PPHLN1: variants seen among roughly 807,000 people sequenced by gnomAD.
PPHLN1 encodes the protein periphilin-1.
A neutral mutation model predicts 51.3 loss-of-function variants in PPHLN1; 29 were observed. That is an observed-to-expected ratio of 0.57 (90% CI 0.42 to 0.77). The LOEUF is 0.77. PPHLN1 is among the 30% of genes least tolerant of loss of function. The pLI is 0.00. For synonymous variants in PPHLN1, 147 were observed against 147.8 expected (o/e 0.99, Z 0.04); for missense variants, 436 against 438.4 (o/e 0.99, Z 0.05).
At chr12:42,332,045 T>TA (rs1369877095) in intron 1 of PPHLN1, among the ~76,000 whole-genome samples, 1 of 152,006 alleles carries the variant, frequency 6.6e-6, no homozygotes, top group Non-Finnish European at 1.5e-5. Context: ...CATGACTTGA[T>TA]AAAAAATAAA....
At chr12:42,447,778 T>A (rs2083373479), downstream of PPHLN1, 1 of 152,232 alleles carries the variant, frequency 6.6e-6, no homozygotes, top group South Asian at 2.1e-4. Context: ...GCAGTATGCA[T>A]AATTTTAACA....
chr12:42,440,670 C>T (rs887869196), intron 9 of PPHLN1, among the ~76,000 whole-genome samples: 2 of 152,214 alleles, frequency 1.3e-5, no homozygotes, highest in Non-Finnish European at 2.9e-5. Context: ...TATTCCCTTG[C>T]GTTTCCCAGT....
intron 2 of PPHLN1, among the ~76,000 whole-genome samples, chr12:42,343,215 T>C (rs982983293): frequency 2.1e-5 from 3 of 139,688 alleles, no homozygotes; most frequent in Non-Finnish European, 5.0e-5. Flanking sequence ...TCCATTCTTA[T>C]TTCATGAAAC....
chr12:42,374,978 G>C lies in PPHLN1; in HGVS notation c.415G>C (p.Asp139His). ...FFRESPVGRKDSPHSRSGSSV... is the reference protein window; with the variant it reads ...FFRESPVGRKHSPHSRSGSSV... ...CAGAGAATCACCTGTTGGCCGAAAG[G>C]ATTCTCCACACAGCAGATCTGGTTC... The change falls in exon 5 of 10, where the codon GAT becomes CAT. Residue 139 changes from aspartate (D) to histidine (H), a missense_variant. Coordinates refer to ENST00000358314, the MANE Select transcript of PPHLN1 (RefSeq NM_201439.2). 6.2e-7 allele frequency: 1 copy of C among 1,613,940 alleles called. No individual in the cohort carries two copies. The highest frequency in any genetic ancestry group is 8.5e-7 in the Non-Finnish European group (1 of 1,179,952).
At chr12:42,438,750 C>T (rs568085993) in intron 9 of PPHLN1, among the ~76,000 whole-genome samples, 18 of 152,132 alleles carry the variant, frequency 1.2e-4, no homozygotes, top group Non-Finnish European at 1.8e-4. Context: ...TACAGGCATG[C>T]GTCACCACGC....
chr12:42,423,704 G>C (rs994007930), intron 9 of PPHLN1, among the ~76,000 whole-genome samples: 3 of 150,026 alleles, frequency 2.0e-5, no homozygotes, highest in Admixed American at 6.6e-5. Flanking sequence ...CTGAGACTGA[G>C]TCTCACTCTG....
chr12:42,330,260 C>G (rs912724592), intron 1 of PPHLN1, among the ~76,000 whole-genome samples: 1 of 152,184 alleles, frequency 6.6e-6, no homozygotes, highest in Non-Finnish European at 1.5e-5. Flanking sequence ...CGAGACATTC[C>G]GTTTCCAGGG....
At chr12:42,329,972 A>G (rs2069445899) in intron 1 of PPHLN1, 1 of 152,280 alleles carries the variant, frequency 6.6e-6, no homozygotes, top group South Asian at 2.1e-4. Flanking sequence ...TACTATTTGC[A>G]CTGTCTCAGC....
At chr12:42,434,496 T>G (rs1320616620) in intron 9 of PPHLN1, among the ~76,000 whole-genome samples, 2 of 152,120 alleles carry the variant, frequency 1.3e-5, no homozygotes, top group Non-Finnish European at 2.9e-5. Flanking sequence ...GGTCAGAAGT[T>G]TTGGAGGCCT....
chr12:42,381,409 C>A (rs1238262224), intron 5 of PPHLN1, among the ~76,000 whole-genome samples: 1 of 152,074 alleles, frequency 6.6e-6, no homozygotes, highest in Non-Finnish European at 1.5e-5. Context: ...ATGATGTTTT[C>A]CTTATATGTT....
chr12:42,340,843 TAGTTA>T (rs1160089224), intron 2 of PPHLN1, among the ~76,000 whole-genome samples: 1 of 152,232 alleles, frequency 6.6e-6, no homozygotes, highest in African/African-American at 2.4e-5. Flanking sequence ...AATATAAAAC[TAGTTA>T]AGTTGATAAC....
At chr12:42,329,763 C>T (rs976760975) in intron 1 of PPHLN1, 1 of 152,042 alleles carries the variant, frequency 6.6e-6, no homozygotes, top group African/African-American at 2.4e-5. Flanking sequence ...AAAGTTAATT[C>T]CACAGATACC....
At position 42,351,782 on chromosome 12, in the gene PPHLN1, G is replaced by A. The variant is rs180707851; in HGVS notation, c.73-103G>A. The A allele has an allele frequency of 3.3e-5, 28 of 836,018 alleles. No individual in the cohort carries two copies. The East Asian group carries it at 9.1e-4, about 27-fold the overall frequency. The allele number at this position is 836,018 out of a possible 1,614,324, so 51.8% of individuals were successfully genotyped here. On this transcript the variant is annotated intron_variant, in intron 2 of 9. Transcript: ENST00000358314. ...ATTAACGCTTTTGTTTATACATTTA[G>A]CTCATTCGATTAAGGGTAAGAACTC...
chr12:42,418,237 T>A lies in PPHLN1; in HGVS notation c.909+19243T>A, dbSNP rs201452418. On this transcript the variant is annotated intron_variant, in intron 9 of 9. Transcript: ENST00000358314. ...TTTTTTTTTTTTTTTTTTTTTTTTT[T>A]AATCAACGCAGGAAATGGGGAACGT... is the stretch of plus-strand genomic sequence containing the variant. 3.3e-3 allele frequency among the ~76,000 whole-genome samples: 381 copies of A among 115,778 alleles called. 3 individuals are homozygous for A. Among genetic ancestry groups the A allele is most frequent in the African/African-American group, 7.5e-3 (243 of 32,256 alleles). 76.0% of individuals were successfully genotyped at this position (115,778 alleles called of 152,430 possible).
intron 2 of PPHLN1, chr12:42,350,134 G>T (rs1246982954): frequency 1.3e-5 from 2 of 151,192 alleles, no homozygotes; most frequent in African/African-American, 2.4e-5. Context: ...CCCAGACGGG[G>T]CGGCTGCCGG....
chr12:42,444,899 G>T, downstream of PPHLN1: 1 of 586,216 alleles, frequency 1.7e-6, no homozygotes, highest in Non-Finnish European at 3.0e-6. Flanking sequence ...CGGCTATCTG[G>T]TGGAAACCAC....
chr12:42,367,391 G>A (rs1011297959), intron 4 of PPHLN1, among the ~76,000 whole-genome samples: 2 of 150,554 alleles, frequency 1.3e-5, no homozygotes, highest in Non-Finnish European at 3.0e-5. Flanking sequence ...TGATAAATCA[G>A]GTAAAAATGA....
Position 42,383,807 on chromosome 12 carries a change from C to T in PPHLN1, c.512-1133C>T, listed in dbSNP as rs1238218653. 4.6e-5 allele frequency among the ~76,000 whole-genome samples: 7 copies of T among 151,456 alleles called. No individual in the cohort carries two copies. The East Asian group carries it at 1.2e-3, about 25-fold the overall frequency. ...CAGGCTGGCCAAGATGGTGAAACCT[C>T]GTCTCTACTAAAAAATACAAAAAAA... On this transcript the variant is annotated intron_variant, in intron 5 of 9. Transcript: ENST00000358314.
chr12:42,332,547 C>T (rs567679619), intron 1 of PPHLN1: 38 of 663,928 alleles, frequency 5.7e-5, no homozygotes, highest in African/African-American at 2.1e-4. Context: ...GTGTTTGAAG[C>T]GAGTTTGGCC....
Sources: gnomAD v4.1 joint callset for allele counts (sites outside exome capture counted in the v4.1 genomes callset) on GRCh38, gnomAD v4.1.1 for gene constraint, MANE v1.5 for transcripts, NCBI Gene and HGNC (gene_info 2026-07-23, HGNC 2026-07-21) for gene names.